Variants in WDR7 observed in about 807,000 individuals in gnomAD.
The protein encoded by WDR7 is WD repeat-containing protein 7.
Under a neutral mutation model 169.4 loss-of-function variants are expected in WDR7, and 46 were observed. The observed-to-expected ratio is 0.27, with a 90% CI of 0.21 to 0.35. The LOEUF is 0.35. Among genes scored for constraint, WDR7 ranks in the 10% least tolerant of loss-of-function variants. The pLI is 1.00. For synonymous variants in WDR7, 612 were observed against 666.8 expected (o/e 0.92, Z 1.27); for missense variants, 1,534 against 1,859.3 (o/e 0.83, Z 3.22).
At chr18:56,702,390 G>C (rs1032802501) in intron 12 of WDR7, among the ~76,000 whole-genome samples, 1 of 151,930 alleles carries the variant, frequency 6.6e-6, no homozygotes, top group African/African-American at 2.4e-5. Context: ...AAATACTGAG[G>C]GAATAAAATT....
chr18:56,893,349 A>G (rs2046290101), intron 21 of WDR7, among the ~76,000 whole-genome samples: 2 of 152,096 alleles, frequency 1.3e-5, no homozygotes, highest in Admixed American at 6.6e-5. Flanking sequence ...TGAAGTTTCT[A>G]TAAGTTCAAA....
At chr18:56,795,899 CATTT>C (rs1181883997) in intron 19 of WDR7, among the ~76,000 whole-genome samples, 2 of 152,146 alleles carry the variant, frequency 1.3e-5, no homozygotes, top group Non-Finnish European at 2.9e-5. Context: ...CAGTTACATT[CATTT>C]GTTTCATTTT....
In WDR7 at chr18:56,758,898, G is replaced by A; in HGVS notation, c.2793G>A (p.Lys931=). The change falls in exon 16 of 28, where the codon AAG becomes AAA. Residue 931 remains lysine, a synonymous_variant. Coordinates refer to ENST00000254442, the MANE Select transcript of WDR7 (RefSeq NM_015285.3). ...GACCAAGCACCCCAGACCTTTCTAA[G>A]GCAAGGGGTTCCCCTCCAACTTCCA... The part of the protein sequence containing the change: ...PPRPSTPDLS[K]ARGSPPTSSN... 2 of 1,612,948 alleles carry A rather than the reference G, an allele frequency of 1.2e-6. No homozygotes were observed. Among genetic ancestry groups the A allele is most frequent in the Non-Finnish European group, 1.7e-6 (2 of 1,179,464 alleles).
At chr18:56,756,055 G>T (rs1357847499) in intron 14 of WDR7, among the ~76,000 whole-genome samples, 1 of 152,124 alleles carries the variant, frequency 6.6e-6, no homozygotes, top group Non-Finnish European at 1.5e-5. Flanking sequence ...AGGGAGCATG[G>T]TCAAAAGATA....
intron 21 of WDR7, among the ~76,000 whole-genome samples, chr18:56,900,064 A>ATGTG (rs3045243): frequency 2.2e-5 from 3 of 137,900 alleles, no homozygotes; most frequent in Non-Finnish European, 3.1e-5. Context: ...ACATATATAT[A>ATGTG]TGTGTGTGTG....
chr18:56,995,770 G>A (rs954391412), intron 26 of WDR7, among the ~76,000 whole-genome samples: 5 of 152,160 alleles, frequency 3.3e-5, no homozygotes, highest in Admixed American at 1.3e-4. Context: ...CCTCCTGTCT[G>A]TGTGTACTAC....
intron 14 of WDR7, among the ~76,000 whole-genome samples, chr18:56,746,642 A>T (rs1031969630): frequency 2.0e-5 from 3 of 152,210 alleles, no homozygotes; most frequent in Non-Finnish European, 4.4e-5. Context: ...AGACAGGGGC[A>T]GTTGGGTCTT....
chr18:56,651,404 A>G lies in WDR7; in HGVS notation c.-192A>G, dbSNP rs554313419. The G allele has an allele frequency of 6.5e-6, 1 of 153,502 alleles. No individual in the cohort carries two copies. Among genetic ancestry groups the G allele is most frequent in the South Asian group, 2.0e-4 (1 of 4,986 alleles). The allele number at this position is 153,502 out of a possible 1,614,324, so 9.5% of individuals were successfully genotyped here. ...GGCGGCGGCGGCACCGGCACCTTGC[A>G]GTATCACTGGGGAGACGGCGGCTGT... is the stretch of plus-strand genomic sequence containing the variant. On this transcript the variant is annotated 5_prime_UTR_variant, in exon 1 of 28. Coordinates refer to ENST00000254442, the MANE Select transcript of WDR7 (RefSeq NM_015285.3).
chr18:56,705,639 T>C (rs971336538), intron 12 of WDR7, among the ~76,000 whole-genome samples: 3 of 152,168 alleles, frequency 2.0e-5, no homozygotes, highest in Admixed American at 6.5e-5. Flanking sequence ...CTACAATAGA[T>C]AGTACTTGAT....
intron 5 of WDR7, among the ~76,000 whole-genome samples, chr18:56,683,853 G>T (rs1267024367): frequency 6.6e-6 from 1 of 152,196 alleles, no homozygotes. Flanking sequence ...TTTTTATTCA[G>T]TAGTCATTCA....
At chr18:56,871,926 A>T (rs1372184941) in intron 20 of WDR7, among the ~76,000 whole-genome samples, 2 of 152,072 alleles carry the variant, frequency 1.3e-5, no homozygotes, top group African/African-American at 4.8e-5. Flanking sequence ...CAGCTGTAAC[A>T]AGTATTATGA....
intron 21 of WDR7, among the ~76,000 whole-genome samples, chr18:56,901,358 CTT>C (rs1484014453): frequency 2.6e-5 from 4 of 152,158 alleles, no homozygotes; most frequent in South Asian, 4.1e-4. Context: ...GGGAAGTACT[CTT>C]ATCATAGCTG....
At chr18:56,767,050 C>CT (rs1309307312) in intron 16 of WDR7, among the ~76,000 whole-genome samples, 1 of 151,892 alleles carries the variant, frequency 6.6e-6, no homozygotes, top group Non-Finnish European at 1.5e-5. Context: ...GAAACAGTTT[C>CT]TTTTTTTTCC....
At chr18:56,949,686 G>A (rs1408189720) in intron 25 of WDR7, among the ~76,000 whole-genome samples, 1 of 152,220 alleles carries the variant, frequency 6.6e-6, no homozygotes, top group Non-Finnish European at 1.5e-5. Context: ...GGAATCTGCA[G>A]TCACATGAAC....
At chr18:56,890,402 G>T (rs1194348108) in intron 21 of WDR7, among the ~76,000 whole-genome samples, 1 of 152,076 alleles carries the variant, frequency 6.6e-6, no homozygotes, top group Non-Finnish European at 1.5e-5. Context: ...GGTTGAGATT[G>T]ATTTTATAAT....
downstream of WDR7, chr18:57,034,021 C>T (rs1252706406): frequency 6.6e-6 from 1 of 152,038 alleles, no homozygotes; most frequent in African/African-American, 2.4e-5. Context: ...TGTTGGTGGG[C>T]ATCTGTAATC....
chr18:56,802,908 T>A (rs1054078032), intron 19 of WDR7, among the ~76,000 whole-genome samples: 1 of 151,894 alleles, frequency 6.6e-6, no homozygotes, highest in Non-Finnish European at 1.5e-5. Flanking sequence ...GATTTTCTCC[T>A]GTGTTTTTTT....
chr18:56,825,051 G>T (rs116229272), intron 20 of WDR7, among the ~76,000 whole-genome samples: 1 of 152,162 alleles, frequency 6.6e-6, no homozygotes, highest in African/African-American at 2.4e-5. Context: ...GTGGATGATG[G>T]TCCCAGTTTC....
intron 10 of WDR7, 29 bp from the exon 11 acceptor site, chr18:56,694,921 T>C: frequency 6.3e-7 from 1 of 1,576,014 alleles, no homozygotes; most frequent in East Asian, 2.2e-5. Context: ...ACAAATGTTT[T>C]TCTTTTATAC....
Sources: gnomAD v4.1 joint callset for allele counts (sites outside exome capture counted in the v4.1 genomes callset) on GRCh38, gnomAD v4.1.1 for gene constraint, MANE v1.5 for transcripts, NCBI Gene and HGNC (gene_info 2026-07-23, HGNC 2026-07-21) for gene names.